Variants in VDAC1 observed in about 807,000 individuals in gnomAD.
The protein encoded by VDAC1 is non-selective voltage-gated ion channel VDAC1.
A neutral mutation model predicts 34.7 loss-of-function variants in VDAC1; 10 were observed. The observed-to-expected ratio is 0.29, with a 90% CI of 0.18 to 0.49. The LOEUF (loss-of-function observed/expected upper bound fraction) is 0.49. Ranked by LOEUF, VDAC1 falls within the 20% of genes least tolerant of loss-of-function variation. VDAC1 has a pLI of 0.99. For missense variants in VDAC1, 230 were observed against 347.9 expected (o/e 0.66, Z 2.69); for synonymous variants, 130 against 136.0 (o/e 0.96, Z 0.30).
chr5:134,075,607 A>G, the VDAC1 span, among the ~76,000 whole-genome samples: 1 of 152,198 alleles, frequency 6.6e-6, no homozygotes, highest in Non-Finnish European at 1.5e-5. Context: ...TTTTTGAGAC[A>G]GAGTCTCGCT....
chr5:134,058,045 C>T, the VDAC1 span, among the ~76,000 whole-genome samples: 5 of 151,976 alleles, frequency 3.3e-5, no homozygotes, highest in African/African-American at 9.7e-5. Flanking sequence ...TACAGGCACC[C>T]GCCACATGCC....
At chr5:133,992,727 CAAG>C (rs1478222204) in intron 2 of VDAC1, among the ~76,000 whole-genome samples, 1 of 152,256 alleles carries the variant, frequency 6.6e-6, no homozygotes, top group African/African-American at 2.4e-5. Context: ...GAAAAGAAAA[CAAG>C]AATACCCACT....
chr5:134,045,985 ATTC>A, the VDAC1 span, among the ~76,000 whole-genome samples: 2 of 110,468 alleles, frequency 1.8e-5, no homozygotes, highest in Non-Finnish European at 3.9e-5. Flanking sequence ...GACCCCGGCA[ATTC>A]TTCTTTTTTT....
At chr5:133,999,904 T>C (rs1401060882) in intron 1 of VDAC1, among the ~76,000 whole-genome samples, 1 of 152,112 alleles carries the variant, frequency 6.6e-6, no homozygotes, top group Admixed American at 6.5e-5. Context: ...CTGGCCCCGC[T>C]GTTTCACCAA....
chr5:134,055,331 G>C, the VDAC1 span, among the ~76,000 whole-genome samples: 1 of 152,190 alleles, frequency 6.6e-6, no homozygotes, highest in African/African-American at 2.4e-5. Context: ...CCTTGGAGGA[G>C]ATTTCCCCGT....
At chr5:134,064,543 A>T in the VDAC1 span, among the ~76,000 whole-genome samples, 1 of 152,018 alleles carries the variant, frequency 6.6e-6, no homozygotes, top group Admixed American at 6.6e-5. Context: ...ACCTCAGATG[A>T]TCTGCCCACC....
chr5:133,994,217 C>T (rs1474031738), intron 1 of VDAC1, among the ~76,000 whole-genome samples: 1 of 152,130 alleles, frequency 6.6e-6, no homozygotes, highest in Non-Finnish European at 1.5e-5. Context: ...ACTTCAAAGG[C>T]ATTGCAGGAG....
At chr5:134,095,854 T>C in the VDAC1 span, among the ~76,000 whole-genome samples, 1 of 152,236 alleles carries the variant, frequency 6.6e-6, no homozygotes, top group Non-Finnish European at 1.5e-5. Context: ...GGCTAGTGGC[T>C]ACTGTACTGG....
the VDAC1 span, among the ~76,000 whole-genome samples, chr5:134,022,494 AC>A: frequency 5.9e-5 from 9 of 152,194 alleles, no homozygotes; most frequent in Non-Finnish European, 1.3e-4. Context: ...GAGGAGGCCA[AC>A]CCATTTCCCA....
the VDAC1 span, among the ~76,000 whole-genome samples, chr5:134,086,609 C>A: frequency 6.6e-6 from 1 of 152,248 alleles, no homozygotes; most frequent in South Asian, 2.1e-4. Flanking sequence ...CATTTTCCTC[C>A]TGTCCCAGGA....
the VDAC1 span, among the ~76,000 whole-genome samples, chr5:134,102,782 G>C: frequency 1.3e-5 from 2 of 152,116 alleles, no homozygotes; most frequent in African/African-American, 2.4e-5. Flanking sequence ...TTACTTAGCT[G>C]CATGCTTCAA....
chr5:134,016,519 C>G, the VDAC1 span, among the ~76,000 whole-genome samples: 1 of 152,140 alleles, frequency 6.6e-6, no homozygotes, highest in Non-Finnish European at 1.5e-5. Flanking sequence ...TGGACCCAAG[C>G]AGTTTTTCCT....
chr5:134,051,496 G>A, the VDAC1 span, among the ~76,000 whole-genome samples: 1 of 152,200 alleles, frequency 6.6e-6, no homozygotes, highest in Non-Finnish European at 1.5e-5. Flanking sequence ...CCTTCTGTGA[G>A]CTTGATCATT....
chr5:134,009,731 GA>G (rs1228793475), upstream of VDAC1, among the ~76,000 whole-genome samples: 1 of 151,984 alleles, frequency 6.6e-6, no homozygotes, highest in African/African-American at 2.4e-5. Flanking sequence ...ACCCAGGCTG[GA>G]GTTCAGTGGC....
intron 1 of VDAC1, among the ~76,000 whole-genome samples, chr5:133,996,475 G>C (rs142923587): frequency 2.6e-5 from 4 of 152,032 alleles, no homozygotes; most frequent in African/African-American, 9.7e-5. Context: ...TAATACTTAC[G>C]TAACCTCTGT....
the VDAC1 span, among the ~76,000 whole-genome samples, chr5:134,048,019 G>GA: frequency 2.0e-5 from 3 of 148,944 alleles, no homozygotes; most frequent in African/African-American, 4.9e-5. Context: ...CCTTGTCTGG[G>GA]AAAAAAAAAG....
At chr5:134,017,640 A>G in the VDAC1 span, among the ~76,000 whole-genome samples, 6 of 151,996 alleles carry the variant, frequency 3.9e-5, no homozygotes, top group African/African-American at 1.2e-4. Flanking sequence ...TAGGCTGGGC[A>G]TGGTGGCTCA....
At chr5:134,039,823 G>A in the VDAC1 span, among the ~76,000 whole-genome samples, 1 of 152,204 alleles carries the variant, frequency 6.6e-6, no homozygotes, top group African/African-American at 2.4e-5. Flanking sequence ...CTCAAATTAG[G>A]GGAGCAAACA....
upstream of VDAC1, among the ~76,000 whole-genome samples, chr5:134,006,457 T>C (rs1347593229): frequency 6.6e-6 from 1 of 152,038 alleles, no homozygotes; most frequent in Non-Finnish European, 1.5e-5. Context: ...AAAGAACCAA[T>C]CTGGGCCGGG....
Sources: allele counts gnomAD v4.1 joint callset (sites outside exome capture counted in the v4.1 genomes callset), GRCh38; gene constraint gnomAD v4.1.1; transcripts MANE v1.5; gene names NCBI Gene and HGNC (gene_info 2026-07-23, HGNC 2026-07-21).